The following ADAM30 variants were observed in gnomAD, a reference collection of about 807,000 sequenced individuals.
ADAM30 encodes the protein disintegrin and metalloproteinase domain-containing protein 30.
For missense variants in ADAM30, 960 were observed against 959.4 expected (o/e 1.00, Z -0.01); for synonymous variants, 382 against 340.9 (o/e 1.12, Z -1.33).
Position 119,895,620 on chromosome 1 carries a change from G to A in ADAM30, c.717C>T (p.Thr239=), listed in dbSNP as rs1424613617. 3 of 1,613,848 alleles carry A rather than the reference G, an allele frequency of 1.9e-6. No individual in the cohort carries two copies. The African/African-American group carries it at 4.0e-5, about 22-fold the overall frequency. The part of the protein sequence containing the change: ...DAILLTGIMD[T]YFQDVRMRIH... ...TCCTCATACGAACATCTTGAAAGTAGGTGTCCATAATCCCAGTCAAAAGAA... is the reference window on the plus strand; with the variant it reads ...TCCTCATACGAACATCTTGAAAGTAAGTGTCCATAATCCCAGTCAAAAGAA... The change falls in exon 1 of 1, where the codon ACC becomes ACT. Residue 239 remains threonine (T), a synonymous_variant. Coordinates refer to ENST00000369400, the MANE Select transcript of ADAM30 (RefSeq NM_021794.4).
At position 119,895,679 on chromosome 1, in the gene ADAM30, T is replaced by C. The variant is rs187002434; in HGVS notation, c.658A>G (p.Asn220Asp). 6.6e-5 allele frequency: 107 copies of C among 1,614,164 alleles called. No homozygotes were observed. Among genetic ancestry groups the C allele is most frequent in the Non-Finnish European group, 8.7e-5 (103 of 1,180,038 alleles). The change falls in exon 1 of 1, where the codon AAC (asparagine) becomes GAC (aspartate). Residue 220 changes from asparagine to aspartate, a missense_variant. By Grantham distance (23) the Asn-to-Asp change is conservative (BLOSUM62 1). Coordinates refer to ENST00000369400, the MANE Select transcript of ADAM30 (RefSeq NM_021794.4). ...LFDQSRYRFV[N>D]NNLSQVIHDA... is the part of the protein sequence containing the mutation. ...TGTATGACTTGAGAAAGATTGTTGT[T>C]CACAAACCTATACCTACTTTGATCA...
rs1648525740 is a variant in ADAM30, at chr1:119,894,645, G to T, written c.1692C>A (p.Thr564=). 1 of 1,613,916 alleles carries T rather than the reference G, an allele frequency of 6.2e-7. No individual in the cohort carries two copies. The highest frequency in any genetic ancestry group is 8.5e-7 in the Non-Finnish European group (1 of 1,180,026). ...TCGTATGCTCTGGCAAATCAGGGATGGTTTCAACATTTATACACTGTAGCC... is the reference window on the plus strand; with the variant it reads ...TCGTATGCTCTGGCAAATCAGGGATTGTTTCAACATTTATACACTGTAGCC... ...CGRLQCINVE[T]IPDLPEHTTI... The change falls in exon 1 of 1, where the codon ACC becomes ACA. Residue 564 remains threonine, a synonymous_variant. Transcript: ENST00000369400.
In ADAM30 at chr1:119,894,183, G is replaced by A. The variant is rs367945633; in HGVS notation, c.2154C>T (p.Pro718=). The A allele has an allele frequency of 2.6e-5, 42 of 1,612,124 alleles. No homozygotes were observed. Among genetic ancestry groups the A allele is most frequent in the African/African-American group, 4.0e-5 (3 of 74,654 alleles). ...TGGATAGTGGCATTTTTTCCTGTTT[G>A]GGTTTTAAGTGGTTTCCTATCACTT... ...FRQVIGNHLK[P]KQEKMPLSKA... is the part of the protein sequence containing the mutation. Residue 718 remains proline (P), a synonymous_variant, in exon 1 of 1, where the codon CCC becomes CCT. Transcript: ENST00000369400.
chr1:119,896,128 C>T lies in ADAM30; in HGVS notation c.209G>A (p.Gly70Asp). The change falls in exon 1 of 1, where the codon GGC becomes GAC. Residue 70 changes from glycine to aspartate, a missense_variant. Transcript: ENST00000369400. Reference protein sequence around the residue: ...SPVSYLLQLKGKKHVLHLWPK... With the variant: ...SPVSYLLQLKDKKHVLHLWPK... ...CCACAAATGGAGGACGTGCTTCTTG[C>T]CTTTTAACTGCAGTAGGTAGGACAC... 6.2e-7 allele frequency: 1 copy of T among 1,614,006 alleles called. No homozygotes were observed. Among genetic ancestry groups the T allele is most frequent in the South Asian group, 1.1e-5 (1 of 91,066 alleles).
At position 119,893,678 on chromosome 1, in the gene ADAM30, T is replaced by C; in HGVS notation, c.*286A>G. On this transcript the variant is annotated 3_prime_UTR_variant, in exon 1 of 1. Coordinates refer to ENST00000369400, the MANE Select transcript of ADAM30 (RefSeq NM_021794.4). ...GACTATACCTTGAATAGCATGGTAA[T>C]TCTAGGAAACTCACTACTTTCAGAG... is the stretch of plus-strand genomic sequence containing the variant. 2.1e-6 allele frequency: 1 copy of C among 466,360 alleles called. No homozygotes were observed. The highest frequency in any genetic ancestry group is 3.9e-5 in the East Asian group (1 of 25,400). The allele number at this position is 466,360 out of a possible 1,614,324, so 28.9% of individuals were successfully genotyped here.
rs766867728 is a variant in ADAM30 at position 119,893,952 on chromosome 1, T to C, written c.*12A>G. Reference sequence around the variant, plus strand: ...ATGAGCCTGTGTTACTGAATGAGTATGGATTGCCCGGTTACTTTTTTTGTT... The same window carrying C: ...ATGAGCCTGTGTTACTGAATGAGTACGGATTGCCCGGTTACTTTTTTTGTT... On this transcript the variant is annotated 3_prime_UTR_variant, in exon 1 of 1. Coordinates refer to ENST00000369400, the MANE Select transcript of ADAM30 (RefSeq NM_021794.4). 7.4e-5 allele frequency: 118 copies of C among 1,600,486 alleles called. 3 individuals are homozygous for C. In the South Asian group the frequency reaches 1.3e-3, roughly 18 times the overall value.
rs748394761 is a variant in ADAM30 at position 119,896,245 on chromosome 1, A to C, written c.92T>G (p.Ile31Ser). The C allele has an allele frequency of 6.2e-7, 1 of 1,613,940 alleles. No individual in the cohort carries two copies. The highest frequency in any genetic ancestry group is 1.7e-5 in the Admixed American group (1 of 59,956). The change falls in exon 1 of 1, where the codon ATT (isoleucine) becomes AGT (serine). Residue 31 changes from isoleucine (I) to serine (S), a missense_variant. Coordinates refer to ENST00000369400, the MANE Select transcript of ADAM30 (RefSeq NM_021794.4). ...GTCAAACTCCCCTTCAGGGTGAAAA[A>C]TTACATCTTCGCCAAGAGACTTAAG... The part of the protein sequence containing the change: ...MLLKSLGEDV[I>S]FHPEGEFDSY...
In ADAM30 at chr1:119,895,773, A is replaced by G. The variant is rs1024551020; in HGVS notation, c.564T>C (p.Asn188=). The G allele has an allele frequency of 1.2e-6, 2 of 1,614,016 alleles. No individual in the cohort carries two copies. Among genetic ancestry groups the G allele is most frequent in the Non-Finnish European group, 1.7e-6 (2 of 1,180,038 alleles). Residue 188 remains asparagine, a synonymous_variant, in exon 1 of 1, where the codon AAT becomes AAC. Coordinates refer to ENST00000369400, the MANE Select transcript of ADAM30 (RefSeq NM_021794.4). The part of the protein sequence containing the change: ...EIEWQMAPYE[N]KARLRDFPGS... ...CAGGAAAGTCCCTTAGCCTCGCCTTATTCTCATAAGGGGCCATCTGCCATT... is the reference window on the plus strand; with the variant it reads ...CAGGAAAGTCCCTTAGCCTCGCCTTGTTCTCATAAGGGGCCATCTGCCATT...
Position 119,894,984 on chromosome 1 carries a change from A to T in ADAM30, c.1353T>A (p.Arg451=), listed in dbSNP as rs1648537642. ...IGLCCHDCRF[R]PSGYVCRQEG... ...CCTGCCTACACACGTATCCAGATGGACGAAACCGACAATCATGACAGCAAA... is the reference window on the plus strand; with the variant it reads ...CCTGCCTACACACGTATCCAGATGGTCGAAACCGACAATCATGACAGCAAA... The change falls in exon 1 of 1, where the codon CGT becomes CGA. Residue 451 remains arginine, a synonymous_variant. Coordinates refer to ENST00000369400, the MANE Select transcript of ADAM30 (RefSeq NM_021794.4). 1 of 1,614,054 alleles carries T rather than the reference A, an allele frequency of 6.2e-7. No individual in the cohort carries two copies. The highest frequency in any genetic ancestry group is 1.3e-5 in the African/African-American group (1 of 74,918).
In ADAM30 at chr1:119,895,787, C is replaced by T; in HGVS notation, c.550G>A (p.Ala184Thr). ...AGCCTCGCCTTATTCTCATAAGGGG[C>T]CATCTGCCATTCTATTTCATCATCA... ...LSDDEIEWQM[A>T]PYENKARLRD... The change falls in exon 1 of 1, where the codon GCC becomes ACC. Residue 184 changes from alanine (A) to threonine (T), a missense_variant. Physicochemically the swap from Ala to Thr is moderately conservative, Grantham distance 58. Transcript: ENST00000369400. The T allele has an allele frequency of 6.2e-7, 1 of 1,614,066 alleles. No homozygotes were observed. Among genetic ancestry groups the T allele is most frequent in the East Asian group, 2.2e-5 (1 of 44,878 alleles).
chr1:119,893,820 A>C lies in ADAM30; in HGVS notation c.*144T>G. 1 of 1,471,882 alleles carries C rather than the reference A, an allele frequency of 6.8e-7. No homozygotes were observed. Among genetic ancestry groups the C allele is most frequent in the Non-Finnish European group, 9.0e-7 (1 of 1,111,746 alleles). The allele number at this position is 1,471,882 out of a possible 1,614,324, so 91.2% of individuals were successfully genotyped here. A position where few individuals can be genotyped will look rare whatever the true frequency, so the allele number is the denominator to read the frequency against. On this transcript the variant is annotated 3_prime_UTR_variant, in exon 1 of 1. Coordinates refer to ENST00000369400, the MANE Select transcript of ADAM30 (RefSeq NM_021794.4). ...GAATGCACTGGTTTGTTTCCAAAACAAGAATGCTGTTTATTTGCTGATCAA... is the reference window on the plus strand; with the variant it reads ...GAATGCACTGGTTTGTTTCCAAAACCAGAATGCTGTTTATTTGCTGATCAA...
Position 119,895,759 on chromosome 1 carries a change from C to G in ADAM30, c.578G>C (p.Arg193Thr), listed in dbSNP as rs756630358. Reference protein sequence around the residue: ...MAPYENKARLRDFPGSYKHPK... With the variant: ...MAPYENKARLTDFPGSYKHPK... Reference sequence around the variant, plus strand: ...GTGTTTATAGGATCCAGGAAAGTCCCTTAGCCTCGCCTTATTCTCATAAGG... The same window carrying G: ...GTGTTTATAGGATCCAGGAAAGTCCGTTAGCCTCGCCTTATTCTCATAAGG... The change falls in exon 1 of 1, where the codon AGG becomes ACG. Residue 193 changes from arginine to threonine, a missense_variant. Transcript: ENST00000369400. 4.3e-6 allele frequency: 7 copies of G among 1,614,004 alleles called. No homozygotes were observed. Among genetic ancestry groups the G allele is most frequent in the African/African-American group, 4.0e-5 (3 of 74,912 alleles).
chr1:119,894,100 G>A lies in ADAM30; in HGVS notation c.2237C>T (p.Thr746Ile), dbSNP rs1329149520. 3 of 1,613,110 alleles carry A rather than the reference G, an allele frequency of 1.9e-6. No individual in the cohort carries two copies. In the East Asian group the frequency reaches 6.7e-5, roughly 36 times the overall value. ...KTKTVQEESK[T>I]KTGQEESEAK... ...TTCAGATTCTTCCTGTCCAGTTTTTGTTTTAGATTCTTCCTGTACAGTTTT... is the reference window on the plus strand; with the variant it reads ...TTCAGATTCTTCCTGTCCAGTTTTTATTTTAGATTCTTCCTGTACAGTTTT... Residue 746 changes from threonine (T) to isoleucine (I), a missense_variant, in exon 1 of 1, where the codon ACA (threonine) becomes ATA (isoleucine). Thr to Ile is a moderately conservative substitution (Grantham distance 89, BLOSUM62 -1). Transcript: ENST00000369400.
Position 119,895,660 on chromosome 1 carries a change from A to C in ADAM30, c.677T>G (p.Val226Gly). 6.2e-7 allele frequency: 1 copy of C among 1,614,146 alleles called. No individual in the cohort carries two copies. Among genetic ancestry groups the C allele is most frequent in the Non-Finnish European group, 8.5e-7 (1 of 1,180,036 alleles). Residue 226 changes from valine to glycine, a missense_variant, in exon 1 of 1, where the codon GTC (valine) becomes GGC (glycine). By Grantham distance (109) the Val-to-Gly change is moderately radical (BLOSUM62 -3). Coordinates refer to ENST00000369400, the MANE Select transcript of ADAM30 (RefSeq NM_021794.4). ...YRFVNNNLSQ[V>G]IHDAILLTGI... ...AGTCAAAAGAATGGCATCATGTATG[A>C]CTTGAGAAAGATTGTTGTTCACAAA...
At position 119,895,316 on chromosome 1, in the gene ADAM30, C is replaced by T. The variant is rs1354019043; in HGVS notation, c.1021G>A (p.Gly341Ser). Residue 341 changes from glycine (G) to serine (S), a missense_variant, in exon 1 of 1, where the codon GGT becomes AGT. Gly to Ser is a moderately conservative substitution (Grantham distance 56). Coordinates refer to ENST00000369400, the MANE Select transcript of ADAM30 (RefSeq NM_021794.4). ...APATWSAHEL[G>S]HAVGMSHDEQ... is the part of the protein sequence containing the mutation. ...TCATGTGACATTCCTACAGCATGACCCAGCTCATGAGCAGACCAGGTAGCA... is the reference window on the plus strand; with the variant it reads ...TCATGTGACATTCCTACAGCATGACTCAGCTCATGAGCAGACCAGGTAGCA... 5.6e-6 allele frequency: 9 copies of T among 1,614,014 alleles called. No individual in the cohort carries two copies. The highest frequency in any genetic ancestry group is 7.6e-6 in the Non-Finnish European group (9 of 1,180,036).
Position 119,896,508 on chromosome 1 carries a change from C to A in ADAM30, c.-172G>T. Reference sequence around the variant, plus strand: ...CAGGGCTCGGTCTAGCTGGCGTCCGCAATGCGCGCGTGACCTGTCCAACGC... The same window carrying A: ...CAGGGCTCGGTCTAGCTGGCGTCCGAAATGCGCGCGTGACCTGTCCAACGC... On this transcript the variant is annotated 5_prime_UTR_variant, in exon 1 of 1. Coordinates refer to ENST00000369400, the MANE Select transcript of ADAM30 (RefSeq NM_021794.4). 9.7e-7 allele frequency: 1 copy of A among 1,027,432 alleles called. No homozygotes were observed. Among genetic ancestry groups the A allele is most frequent in the Non-Finnish European group, 1.3e-6 (1 of 748,350 alleles). 63.6% of individuals were successfully genotyped at this position (1,027,432 alleles called of 1,614,324 possible). A position where few individuals can be genotyped will look rare whatever the true frequency, so the allele number is the denominator to read the frequency against.
rs1239462210 is a variant in ADAM30 at position 119,896,123 on chromosome 1, T to C, written c.214A>G (p.Lys72Glu). The C allele has an allele frequency of 2.5e-6, 4 of 1,614,058 alleles. No individual in the cohort carries two copies. In the Admixed American group the frequency reaches 6.7e-5, roughly 27 times the overall value. The change falls in exon 1 of 1, where the codon AAG (lysine) becomes GAG (glutamate). Residue 72 changes from lysine (K) to glutamate (E), a missense_variant. Coordinates refer to ENST00000369400, the MANE Select transcript of ADAM30 (RefSeq NM_021794.4). Reference protein sequence around the residue: ...VSYLLQLKGKKHVLHLWPKRL... With the variant: ...VSYLLQLKGKEHVLHLWPKRL... The stretch of plus-strand genomic sequence containing the variant: ...TTGGGCCACAAATGGAGGACGTGCT[T>C]CTTGCCTTTTAACTGCAGTAGGTAG...
rs1461446274 is a variant in ADAM30 at position 119,896,217 on chromosome 1, C to T, written c.120G>A (p.Ser40=). 1 of 1,614,180 alleles carries T rather than the reference C, an allele frequency of 6.2e-7. No individual in the cohort carries two copies. The highest frequency in any genetic ancestry group is 8.5e-7 in the Non-Finnish European group (1 of 1,180,018). Reference sequence around the variant, plus strand: ...GCTTCTCAGGAATGGTGACTTCATACGAGTCAAACTCCCCTTCAGGGTGAA... The same window carrying T: ...GCTTCTCAGGAATGGTGACTTCATATGAGTCAAACTCCCCTTCAGGGTGAA... The part of the protein sequence containing the change: ...VIFHPEGEFD[S]YEVTIPEKLS... Residue 40 remains serine (S), a synonymous_variant, in exon 1 of 1, where the codon TCG becomes TCA. Transcript: ENST00000369400.
At position 119,894,221 on chromosome 1, in the gene ADAM30, C is replaced by T. The variant is rs1648504433; in HGVS notation, c.2116G>A (p.Val706Met). ...LILLILSVVFVFFRQVIGNHL... is the reference protein window; with the variant it reads ...LILLILSVVFMFFRQVIGNHL... ...TTTCCTATCACTTGCCGGAAAAACA[C>T]AAAAACCACTGAAAGGATTAATAAA... Residue 706 changes from valine to methionine, a missense_variant, in exon 1 of 1, where the codon GTG becomes ATG. Transcript: ENST00000369400. The T allele has an allele frequency of 6.2e-7, 1 of 1,613,440 alleles. No individual in the cohort carries two copies. Among genetic ancestry groups the T allele is most frequent in the Non-Finnish European group, 8.5e-7 (1 of 1,179,928 alleles).
Sources: allele counts gnomAD v4.1 joint callset, GRCh38; gene constraint gnomAD v4.1.1; transcripts MANE v1.5; gene names NCBI Gene and HGNC (gene_info 2026-07-23, HGNC 2026-07-21).